The following GRK6 variants were observed in gnomAD, a reference collection of about 807,000 sequenced individuals.
The protein encoded by GRK6 is G protein-coupled receptor kinase 6.
Under a neutral mutation model 80.8 loss-of-function variants are expected in GRK6, and 37 were observed. The ratio of observed to expected loss-of-function variants is 0.46; its 90% CI spans 0.35 to 0.60. The LOEUF (loss-of-function observed/expected upper bound fraction) is 0.60, where lower values mean the gene tolerates loss of function less well. Ranked by LOEUF, GRK6 falls within the 20% of genes least tolerant of loss-of-function variation. The pLI, the probability that GRK6 is intolerant of heterozygous loss-of-function variation, is 0.00. For synonymous variants in GRK6, 295 were observed against 320.9 expected (o/e 0.92, Z 0.86); for missense variants, 560 against 784.6 (o/e 0.71, Z 3.42).
rs1375532015 is a variant in GRK6 at position 177,433,491 on chromosome 5, AATGGC to A, written c.598-43_598-39del. On this transcript the variant is annotated intron_variant, in intron 7 of 15. Transcript: ENST00000355472. Reference sequence around the variant, plus strand: ...CTGGACCACCCCCTGGATGCCCAGCAATGGCACAGCTGGCCCCCATTCGCCCCTGT... The same window carrying A: ...CTGGACCACCCCCTGGATGCCCAGCAACAGCTGGCCCCCATTCGCCCCTGT... 3 of 1,612,610 alleles carry A rather than the reference AATGGC, an allele frequency of 1.9e-6. No individual in the cohort carries two copies. The African/African-American group carries it at 4.0e-5, about 22-fold the overall frequency.
rs2127369982 is a variant in GRK6 at position 177,429,304 on chromosome 5, G to A, written c.53-1568G>A. Among the ~76,000 whole-genome samples, 1 of 152,270 alleles carries A rather than the reference G, an allele frequency of 6.6e-6. No individual in the cohort carries two copies. Among genetic ancestry groups the A allele is most frequent in the East Asian group, 1.9e-4 (1 of 5,182 alleles). On this transcript the variant is annotated intron_variant, in intron 1 of 15. Coordinates refer to ENST00000355472, the MANE Select transcript of GRK6 (RefSeq NM_001004106.3). The surrounding 1 kb of genome is among the most constrained non-coding windows in gnomAD (Gnocchi z 4.3). ...CACTGAAAGGGGACAGGGAGGGTGG[G>A]GAAGAGCTCCACTGACTGGGCAGCC...
chr5:177,428,239 C>G lies in GRK6; in HGVS notation c.52+1342C>G, dbSNP rs577440320. 6.6e-6 allele frequency among the ~76,000 whole-genome samples: 1 copy of G among 152,226 alleles called. No individual in the cohort carries two copies. Among genetic ancestry groups the G allele is most frequent in the African/African-American group, 2.4e-5 (1 of 41,464 alleles). ...GGAGGAGGGGTGGGGAGGGCCGAAA[C>G]AGGCCTTCTTCCCTAGGGCTGTAGC... On this transcript the variant is annotated intron_variant, in intron 1 of 15. Transcript: ENST00000355472. The surrounding 1 kb of genome is among the most constrained non-coding windows in gnomAD (Gnocchi z 4.1).
upstream of GRK6, among the ~76,000 whole-genome samples, chr5:177,425,569 C>T (rs1259360018): frequency 6.6e-6 from 1 of 152,240 alleles, no homozygotes; most frequent in Non-Finnish European, 1.5e-5. Flanking sequence ...CTCACCCTGC[C>T]CTCACTTGCT....
intron 11 of GRK6, 61 bp downstream of exon 11, chr5:177,435,182 C>T: frequency 8.1e-7 from 1 of 1,231,906 alleles, no homozygotes; most frequent in Non-Finnish European, 1.2e-6. Context: ...ACCCACCCAG[C>T]CACACCCACT....
intron 1 of GRK6, among the ~76,000 whole-genome samples, chr5:177,430,354 G>A (rs561801876): frequency 5.3e-4 from 80 of 152,332 alleles, no homozygotes; most frequent in African/African-American, 7.7e-4. Context: ...TGCAGGGGAC[G>A]GGGAGTCCTG....
In GRK6 at chr5:177,441,729, C is replaced by T. The variant is rs1364603863; in HGVS notation, c.1678-8C>T. ...CTCCCTCCCTCCGTGTCTTCCCCGT[C>T]CCTCCAGGATTGCTGTGGAAACTGC... is the stretch of plus-strand genomic sequence containing the variant. On this transcript the variant is annotated splice_polypyrimidine_tract_variant and splice_region_variant and intron_variant, in intron 15 of 15. Coordinates refer to ENST00000355472, the MANE Select transcript of GRK6 (RefSeq NM_001004106.3). 1 of 1,609,574 alleles carries T rather than the reference C, an allele frequency of 6.2e-7. No individual in the cohort carries two copies. Among genetic ancestry groups the T allele is most frequent in the East Asian group, 2.2e-5 (1 of 44,850 alleles).
Position 177,433,041 on chromosome 5 carries a change from A to C in GRK6, c.441-106A>C. 3.9e-6 allele frequency: 4 copies of C among 1,017,470 alleles called. No homozygotes were observed. In the East Asian group the frequency reaches 9.6e-5, roughly 24 times the overall value. The allele number at this position is 1,017,470 out of a possible 1,614,324, so 63.0% of individuals were successfully genotyped here. A position where few individuals can be genotyped will look rare whatever the true frequency, so the allele number is the denominator to read the frequency against. The stretch of plus-strand genomic sequence containing the variant: ...TTAGCAGGAGGACTGGCCGACGACG[A>C]TACCTGTGGGCTAAGCCTGTACAGA... On this transcript the variant is annotated intron_variant, in intron 5 of 15. Transcript: ENST00000355472.
chr5:177,434,794 A>G, intron 9 of GRK6, 108 bp from the exon 10 acceptor site: 1 of 1,251,598 alleles, frequency 8.0e-7, no homozygotes, highest in South Asian at 1.2e-5. Flanking sequence ...TGAGTCTCGC[A>G]CCTTGCTCCA....
chr5:177,432,437 C>A, intron 4 of GRK6, 127 bp downstream of exon 4: 1 of 973,072 alleles, frequency 1.0e-6, no homozygotes, highest in Non-Finnish European at 1.6e-6. Flanking sequence ...ACAGCCTGGA[C>A]AGAGAGTGCC....
At chr5:177,438,067 CAAAG>C (rs1282770039) in intron 13 of GRK6, among the ~76,000 whole-genome samples, 3 of 152,188 alleles carry the variant, frequency 2.0e-5, no homozygotes, top group East Asian at 1.9e-4. Flanking sequence ...TTAAGTGTGA[CAAAG>C]AAAACTAAAG....
Position 177,435,063 on chromosome 5 carries a change from T to C in GRK6, c.999T>C (p.Ala333=). The change falls in exon 11 of 16, where the codon GCT becomes GCC. Residue 333 remains alanine, a synonymous_variant. Transcript: ENST00000355472. ...GHIRISDLGL[A]VHVPEGQTIK... is the part of the protein sequence containing the mutation. ...TCCGCATCTCTGACCTGGGACTAGC[T>C]GTGCATGTGCCCGAGGGCCAGACCA... 6 of 1,612,632 alleles carry C rather than the reference T, an allele frequency of 3.7e-6. No individual in the cohort carries two copies. Among genetic ancestry groups the C allele is most frequent in the Non-Finnish European group, 5.1e-6 (6 of 1,179,680 alleles).
In GRK6 at chr5:177,426,697, G is replaced by A. The variant is rs1330039640; in HGVS notation, c.-149G>A. 8.5e-6 allele frequency: 2 copies of A among 234,124 alleles called. No homozygotes were observed. Among genetic ancestry groups the A allele is most frequent in the Non-Finnish European group, 1.4e-5 (2 of 144,660 alleles). 14.5% of individuals were successfully genotyped at this position (234,124 alleles called of 1,614,324 possible). On this transcript the variant is annotated 5_prime_UTR_variant, in exon 1 of 16. Transcript: ENST00000355472. ...GGGCGGAGAGTGCGCGGCTGGCTGCGGCGGCCGGGGAGGCCGGGGAGGCCG... is the reference window on the plus strand; with the variant it reads ...GGGCGGAGAGTGCGCGGCTGGCTGCAGCGGCCGGGGAGGCCGGGGAGGCCG...
In GRK6 at chr5:177,441,102, A is replaced by T. The variant is rs190792341; in HGVS notation, c.1677+49A>T. On this transcript the variant is annotated intron_variant, in intron 15 of 15. Transcript: ENST00000355472. The stretch of plus-strand genomic sequence containing the variant: ...TGGGCCCCTAACCTGGCTCCAGGGG[A>T]CGGTGGGTGGGAGGCAGAGCCGGTG... 7.9e-5 allele frequency: 127 copies of T among 1,601,918 alleles called. No individual in the cohort carries two copies. In the East Asian group the frequency reaches 2.8e-3, roughly 35 times the overall value.
At chr5:177,435,198 C>G (rs1764088931) in intron 11 of GRK6, 77 bp downstream of exon 11, 1 of 1,072,974 alleles carries the variant, frequency 9.3e-7, no homozygotes, top group Admixed American at 2.4e-5. Context: ...CCACTTCTGT[C>G]TGGGAGTCTT....
chr5:177,432,113 T>A lies in GRK6; in HGVS notation c.261+6T>A. 6.2e-7 allele frequency: 1 copy of A among 1,609,324 alleles called. No homozygotes were observed. Among genetic ancestry groups the A allele is most frequent in the Non-Finnish European group, 8.5e-7 (1 of 1,177,338 alleles). On this transcript the variant is annotated splice_donor_region_variant and intron_variant, in intron 3 of 15. Coordinates refer to ENST00000355472, the MANE Select transcript of GRK6 (RefSeq NM_001004106.3). ...TCGCCTTCCTGGATGGGGTGGTGAG[T>A]GCAGCCCAGCCCTGCCCAGCCCCGC...
intron 13 of GRK6, among the ~76,000 whole-genome samples, chr5:177,437,996 T>C (rs775619587): frequency 6.6e-6 from 1 of 152,220 alleles, no homozygotes; most frequent in Non-Finnish European, 1.5e-5. Context: ...GTCCTGCCCT[T>C]ACATTCTAGT....
At chr5:177,437,099 C>T (rs1484469495) in intron 13 of GRK6, among the ~76,000 whole-genome samples, 1 of 151,982 alleles carries the variant, frequency 6.6e-6, no homozygotes, top group Non-Finnish European at 1.5e-5. Context: ...GGATTACAGG[C>T]GCCCACCACC....
chr5:177,432,537 T>C (rs1208604189), intron 4 of GRK6, among the ~76,000 whole-genome samples, 169 bp from the exon 5 acceptor site: 1 of 152,168 alleles, frequency 6.6e-6, no homozygotes. Flanking sequence ...TCTGCTGCGC[T>C]CTGCCTCATG....
intron 13 of GRK6, among the ~76,000 whole-genome samples, chr5:177,437,871 T>TG (rs1764235841): frequency 6.6e-6 from 1 of 152,188 alleles, no homozygotes; most frequent in Non-Finnish European, 1.5e-5. Flanking sequence ...GCCCGAAGGA[T>TG]GGGCAGGGCA....
Sources: gnomAD v4.1 joint callset for allele counts (sites outside exome capture counted in the v4.1 genomes callset) on GRCh38, gnomAD v4.1.1 for gene constraint, Gnocchi (gnomAD v3.1) non-coding constraint, MANE v1.5 for transcripts, NCBI Gene and HGNC (gene_info 2026-07-23, HGNC 2026-07-21) for gene names.